The following ROBO2 variants were observed in gnomAD, a reference collection of about 807,000 sequenced individuals.
The protein encoded by ROBO2 is roundabout homolog 2.
In ROBO2, 53 loss-of-function variants were observed where a neutral mutation model predicts 160.8. That is an observed-to-expected ratio of 0.33 (90% CI 0.26 to 0.41). ROBO2 has a LOEUF of 0.41. ROBO2 is among the 10% of genes least tolerant of loss of function. ROBO2 has a pLI of 1.00. For missense variants in ROBO2, 1,577 were observed against 1,722.4 expected, an observed-to-expected ratio of 0.92 and a Z score of 1.49; for synonymous variants, 664 against 611.7, an observed-to-expected ratio of 1.09 and a Z score of -1.26.
At chr3:76,746,418 C>T (rs559721643) in intron 2 of ROBO2, among the ~76,000 whole-genome samples, 23 of 152,118 alleles carry the variant, frequency 1.5e-4, no homozygotes, top group African/African-American at 5.1e-4. Context: ...CACTGACTTC[C>T]ACAATGGTTG....
intron 2 of ROBO2, among the ~76,000 whole-genome samples, chr3:76,915,687 A>AT (rs2076260086): frequency 1.3e-5 from 2 of 150,552 alleles, no homozygotes; most frequent in East Asian, 3.9e-4. Flanking sequence ...AAAAAAAAAA[A>AT]GAAAAAAAAA....
In ROBO2 at chr3:76,175,253, G is replaced by A. The variant is rs558599549; in HGVS notation, c.109+237651G>A. 3.3e-5 allele frequency among the ~76,000 whole-genome samples: 5 copies of A among 152,038 alleles called. No individual in the cohort carries two copies. In the South Asian group the frequency reaches 8.3e-4, roughly 25 times the overall value. ...CTGAAGTTGTTTATCAGCCTAAGGG[G>A]TTTTGGGGCTGAGATGATAGGGTTT... On this transcript the variant is annotated intron_variant, in intron 2 of 26. Coordinates refer to the ROBO2 transcript ENST00000487694.
At chr3:76,105,737 G>A (rs922015082) in intron 2 of ROBO2, among the ~76,000 whole-genome samples, 2 of 151,960 alleles carry the variant, frequency 1.3e-5, no homozygotes, top group South Asian at 4.2e-4. Flanking sequence ...CCCATGGGGA[G>A]TAAAATGGTA....
At chr3:76,434,037 T>G in intron 2 of ROBO2, 1 of 1,251,142 alleles carries the variant, frequency 8.0e-7, no homozygotes. Context: ...ATGCAAAATC[T>G]GGTAGAAAGA....
intron 6 of ROBO2, among the ~76,000 whole-genome samples, chr3:77,538,118 C>A (rs76266094): frequency 1.2e-4 from 17 of 144,886 alleles, no homozygotes; most frequent in Non-Finnish European, 1.2e-4. Context: ...CAATAAAAAA[C>A]AAAAAAAATA....
chr3:76,796,000 T>C (rs1018407379), intron 2 of ROBO2, among the ~76,000 whole-genome samples: 1 of 152,148 alleles, frequency 6.6e-6, no homozygotes, highest in African/African-American at 2.4e-5. Flanking sequence ...TGACTAGGTG[T>C]ACTATCAATG....
At chr3:76,325,978 G>A (rs545328189) in intron 2 of ROBO2, among the ~76,000 whole-genome samples, 1 of 152,240 alleles carries the variant, frequency 6.6e-6, no homozygotes, top group African/African-American at 2.4e-5. Flanking sequence ...CTTGAGAAAT[G>A]AACCTTGTGT....
chr3:76,752,184 A>T (rs947264180), intron 2 of ROBO2, among the ~76,000 whole-genome samples: 6 of 151,876 alleles, frequency 4.0e-5, no homozygotes, highest in African/African-American at 1.4e-4. Context: ...GAACTATCGC[A>T]AGGACAGAAA....
intron 2 of ROBO2, among the ~76,000 whole-genome samples, chr3:76,168,529 G>A (rs1379347331): frequency 1.3e-5 from 2 of 152,068 alleles, no homozygotes; most frequent in African/African-American, 2.4e-5. Flanking sequence ...CCAAATGATA[G>A]AAAATGGAGT....
intron 2 of ROBO2, among the ~76,000 whole-genome samples, chr3:76,492,715 T>C (rs1051104091): frequency 2.0e-5 from 3 of 151,768 alleles, no homozygotes; most frequent in South Asian, 2.1e-4. Context: ...ATATACAGCT[T>C]TTTTTTTAGA....
At chr3:76,754,118 G>T (rs2060832427) in intron 2 of ROBO2, among the ~76,000 whole-genome samples, 1 of 151,842 alleles carries the variant, frequency 6.6e-6, no homozygotes, top group Non-Finnish European at 1.5e-5. Context: ...GAAATAGCAG[G>T]AAGGAGAAAG....
intron 6 of ROBO2, among the ~76,000 whole-genome samples, chr3:77,530,479 G>T (rs1217966557): frequency 6.6e-6 from 1 of 152,018 alleles, no homozygotes; most frequent in Non-Finnish European, 1.5e-5. Context: ...TGCAGTCACA[G>T]TTGGAATAAA....
chr3:76,231,924 T>C (rs1704643683), intron 2 of ROBO2, among the ~76,000 whole-genome samples: 1 of 152,246 alleles, frequency 6.6e-6, no homozygotes, highest in Admixed American at 6.5e-5. Flanking sequence ...AAATACTTGA[T>C]AATTTTTTAT....
Position 76,041,617 on chromosome 3 carries a change from C to T in ROBO2, c.109+104015C>T, listed in dbSNP as rs151329498. On this transcript the variant is annotated intron_variant, in intron 2 of 26. Coordinates refer to the ROBO2 transcript ENST00000487694. ...CCATCTAACTTTAAAGAACTTTGAA[C>T]TTTATAGAATTTTTTGTTTTTTCAT... is the stretch of plus-strand genomic sequence containing the variant. Among the ~76,000 whole-genome samples, 7 of 151,990 alleles carry T rather than the reference C, an allele frequency of 4.6e-5. No homozygotes were observed. In the East Asian group the frequency reaches 1.3e-3, roughly 29 times the overall value.
intron 2 of ROBO2, among the ~76,000 whole-genome samples, chr3:77,443,035 T>A (rs148504511): frequency 6.6e-6 from 1 of 152,326 alleles, no homozygotes; most frequent in East Asian, 1.9e-4. Flanking sequence ...ATAAAAATAG[T>A]TGAAAACCAA....
chr3:76,106,690 G>A (rs888019133), intron 2 of ROBO2, among the ~76,000 whole-genome samples: 4 of 152,064 alleles, frequency 2.6e-5, no homozygotes, highest in African/African-American at 9.7e-5. Context: ...AATTCCATAA[G>A]CACTTGAGGA....
chr3:76,928,005 A>T (rs1407080910), intron 2 of ROBO2, among the ~76,000 whole-genome samples: 1 of 152,236 alleles, frequency 6.6e-6, no homozygotes, highest in Non-Finnish European at 1.5e-5. Flanking sequence ...GGCCCCTAAG[A>T]TATTCATGTT....
chr3:76,464,573 C>T (rs910278095), intron 2 of ROBO2, among the ~76,000 whole-genome samples: 2 of 150,606 alleles, frequency 1.3e-5, no homozygotes, highest in African/African-American at 4.9e-5. Context: ...GTGTATTAGA[C>T]TAATCTCAAA....
intron 2 of ROBO2, among the ~76,000 whole-genome samples, chr3:76,702,861 T>G (rs2608137): frequency 0.38 from 57,014 of 151,966 alleles, 11,178 homozygotes; most frequent in East Asian, 0.57. Context: ...AGCCTCAGCA[T>G]GTTACTGCTA....
Sources: allele counts gnomAD v4.1 joint callset (sites outside exome capture counted in the v4.1 genomes callset), GRCh38; gene constraint gnomAD v4.1.1; transcripts MANE v1.5; gene names NCBI Gene and HGNC (gene_info 2026-07-23, HGNC 2026-07-21).